Variants in ALK observed in about 807,000 individuals in gnomAD.
ALK encodes the protein ALK tyrosine kinase receptor.
ALK carries 74 observed loss-of-function variants against 163.1 expected under a neutral mutation model. That is an observed-to-expected ratio of 0.45 (90% CI 0.38 to 0.55). ALK has a LOEUF of 0.55. Ranked by LOEUF, ALK falls within the 20% of genes least tolerant of loss-of-function variation. ALK has a pLI of 0.00. For missense variants in ALK, 2,063 were observed against 2,105.3 expected, an observed-to-expected ratio of 0.98 and a Z score of 0.39; for synonymous variants, 960 against 843.2, an observed-to-expected ratio of 1.14 and a Z score of -2.40.
intron 4 of ALK, among the ~76,000 whole-genome samples, chr2:29,523,150 T>A (rs1229445126): frequency 6.6e-6 from 1 of 152,022 alleles, no homozygotes; most frequent in Non-Finnish European, 1.5e-5. Flanking sequence ...ACCAAGAGAA[T>A]CACGTGGCCA....
intron 2 of ALK, among the ~76,000 whole-genome samples, chr2:29,706,975 A>ATATGTGTGTG (rs1291124655): frequency 9.7e-6 from 1 of 102,726 alleles, no homozygotes; most frequent in East Asian, 3.1e-4. Context: ...CTCATGCAGA[A>ATATGTGTGTG]TGTGTGTGTG....
At chr2:29,296,537 G>T (rs1191565019) in intron 9 of ALK, among the ~76,000 whole-genome samples, 1 of 152,240 alleles carries the variant, frequency 6.6e-6, no homozygotes, top group Non-Finnish European at 1.5e-5. Context: ...TCATATAAGA[G>T]AACATGCTAT....
intron 4 of ALK, among the ~76,000 whole-genome samples, chr2:29,455,501 T>A (rs1165770822): frequency 6.6e-6 from 1 of 152,182 alleles, no homozygotes; most frequent in African/African-American, 2.4e-5. Context: ...AACCTCACAA[T>A]CCTCTCTTTT....
At chr2:29,887,797 T>G (rs564362562) in intron 1 of ALK, among the ~76,000 whole-genome samples, 35 of 152,336 alleles carry the variant, frequency 2.3e-4, no homozygotes, top group African/African-American at 7.7e-4. Flanking sequence ...TCCTGTTGTC[T>G]CATTCCTGGT....
intron 12 of ALK, among the ~76,000 whole-genome samples, chr2:29,245,278 C>G (rs1396333865): frequency 6.8e-6 from 1 of 146,236 alleles, no homozygotes; most frequent in Non-Finnish European, 1.5e-5. Flanking sequence ...GGCTCAATGC[C>G]CTGCACACAG....
In ALK at chr2:29,522,153, G is replaced by A. The variant is rs187323182; in HGVS notation, c.1154+9762C>T. 6.4e-3 allele frequency among the ~76,000 whole-genome samples: 971 copies of A among 152,278 alleles called. 19 individuals are homozygous for A. Among genetic ancestry groups the A allele is most frequent in the African/African-American group, 0.022 (895 of 41,556 alleles). On this transcript the variant is annotated intron_variant, in intron 4 of 28. Coordinates refer to ENST00000389048, the MANE Select transcript of ALK (RefSeq NM_004304.5). ...TTACCATCCATAGAGTGGTGATTGGGAGCAGGGACAGTGGAGCTGGATTAG... is the reference window on the plus strand; with the variant it reads ...TTACCATCCATAGAGTGGTGATTGGAAGCAGGGACAGTGGAGCTGGATTAG...
intron 3 of ALK, among the ~76,000 whole-genome samples, chr2:29,595,020 C>G (rs1254722282): frequency 6.6e-6 from 1 of 151,806 alleles, no homozygotes; most frequent in East Asian, 1.9e-4. Flanking sequence ...GGAAGTCATG[C>G]GTCTAAATAT....
chr2:29,555,838 G>A (rs1365621982), intron 3 of ALK, among the ~76,000 whole-genome samples: 1 of 152,158 alleles, frequency 6.6e-6, no homozygotes, highest in Non-Finnish European at 1.5e-5. Context: ...GAAAAAAATG[G>A]TCAGTTGTTT....
At chr2:29,744,505 G>A (rs1680153079) in intron 1 of ALK, among the ~76,000 whole-genome samples, 1 of 152,128 alleles carries the variant, frequency 6.6e-6, no homozygotes, top group Admixed American at 6.5e-5. Flanking sequence ...GTCATTCAAA[G>A]GCTGGGGGCT....
intron 3 of ALK, among the ~76,000 whole-genome samples, chr2:29,612,359 G>C (rs1675719810): frequency 6.6e-6 from 1 of 152,162 alleles, no homozygotes; most frequent in Non-Finnish European, 1.5e-5. Flanking sequence ...GATTATTAAA[G>C]TCCCTGGTAG....
intron 1 of ALK, among the ~76,000 whole-genome samples, chr2:29,836,720 C>T (rs1387964406): frequency 6.6e-6 from 1 of 152,162 alleles, no homozygotes; most frequent in Non-Finnish European, 1.5e-5. Context: ...AATTTAGCTC[C>T]AAAATCTATT....
intron 4 of ALK, among the ~76,000 whole-genome samples, chr2:29,442,174 A>G (rs1670562863): frequency 6.6e-6 from 1 of 152,126 alleles, no homozygotes; most frequent in African/African-American, 2.4e-5. Flanking sequence ...TGATAATGAC[A>G]CTTGACCGGT....
chr2:29,863,872 T>C (rs1666358299), intron 1 of ALK, among the ~76,000 whole-genome samples: 1 of 152,172 alleles, frequency 6.6e-6, no homozygotes, highest in Non-Finnish European at 1.5e-5. Flanking sequence ...CTTTCATAAG[T>C]CAGACCTGCA....
intron 3 of ALK, among the ~76,000 whole-genome samples, chr2:29,641,295 G>C (rs1316052618): frequency 6.6e-6 from 1 of 152,122 alleles, no homozygotes; most frequent in African/African-American, 2.4e-5. Context: ...AGTCTTTCAA[G>C]GATTAGGTTT....
chr2:29,820,178 G>T (rs1241722080), intron 1 of ALK, among the ~76,000 whole-genome samples: 1 of 152,226 alleles, frequency 6.6e-6, no homozygotes, highest in East Asian at 1.9e-4. Context: ...AGAAGGCATT[G>T]CAGCTTCCTC....
At chr2:29,684,909 T>G (rs550503523) in intron 3 of ALK, among the ~76,000 whole-genome samples, 16 of 152,202 alleles carry the variant, frequency 1.1e-4, no homozygotes, top group Non-Finnish European at 1.8e-4. Context: ...AGCTTCTAAC[T>G]ATAGGTCAAG....
chr2:29,509,311 A>G (rs969687797), intron 4 of ALK, among the ~76,000 whole-genome samples: 6 of 152,208 alleles, frequency 3.9e-5, no homozygotes, highest in Middle Eastern at 3.2e-3. Flanking sequence ...AGATTAAAAG[A>G]AGCTTATTTT....
rs1680210000 is a variant in ALK at position 29,746,420 on chromosome 2, G to C, written c.668-28723C>G. 3.9e-5 allele frequency among the ~76,000 whole-genome samples: 6 copies of C among 152,318 alleles called. No homozygotes were observed. In the South Asian group the frequency reaches 1.0e-3, roughly 26 times the overall value. On this transcript the variant is annotated intron_variant, in intron 1 of 28. Transcript: ENST00000389048. Reference sequence around the variant, plus strand: ...CTGGTGACAGGTACCCAAATTATAGGATCAGCATTTGTGAGCCTCTTGAAT... The same window carrying C: ...CTGGTGACAGGTACCCAAATTATAGCATCAGCATTTGTGAGCCTCTTGAAT...
chr2:29,913,373 A>C (rs928789909), intron 1 of ALK, among the ~76,000 whole-genome samples: 6 of 152,188 alleles, frequency 3.9e-5, no homozygotes, highest in Admixed American at 3.9e-4. Flanking sequence ...GAATGCCTCC[A>C]ACCTCCTCCA....
Sources: allele counts gnomAD v4.1 joint callset (sites outside exome capture counted in the v4.1 genomes callset), GRCh38; gene constraint gnomAD v4.1.1; transcripts MANE v1.5; gene names NCBI Gene and HGNC (gene_info 2026-07-23, HGNC 2026-07-21).